Variants in ASS1 observed in about 807,000 individuals in gnomAD.
The protein encoded by ASS1 is argininosuccinate synthase.
Under a neutral mutation model 60.5 loss-of-function variants are expected in ASS1, and 58 were observed. The observed-to-expected ratio is 0.96, with a 90% CI of 0.78 to 1.19. The LOEUF is 1.19. Ranked by LOEUF, ASS1 falls within the 50% of genes most tolerant of loss-of-function variation. The probability of loss-of-function intolerance (pLI) is 0.00; values close to 1 mark genes in which losing one functional copy is unlikely to be tolerated. For synonymous variants in ASS1, 200 were observed against 206.9 expected, an observed-to-expected ratio of 0.97 and a Z score of 0.29; for missense variants, 454 against 547.3, an observed-to-expected ratio of 0.83 and a Z score of 1.70.
chr9:130,445,378 C>T (rs556630513), intron 1 of ASS1, among the ~76,000 whole-genome samples: 2 of 152,130 alleles, frequency 1.3e-5, no homozygotes, highest in Admixed American at 6.5e-5. Flanking sequence ...GAGTCCGGAG[C>T]GTGTGGGGGG....
chr9:130,495,072 T>C (rs1316457957), intron 13 of ASS1, 49 bp downstream of exon 13: 1 of 1,562,098 alleles, frequency 6.4e-7, no homozygotes, highest in East Asian at 2.4e-5. Flanking sequence ...ACAGAGCCTA[T>C]CTTTTGACTG....
At chr9:130,495,400 T>C (rs923594629) in intron 13 of ASS1, among the ~76,000 whole-genome samples, 7 of 150,204 alleles carry the variant, frequency 4.7e-5, no homozygotes, top group Non-Finnish European at 7.4e-5. Context: ...CTAGGCAACA[T>C]AGAAAGACCT....
chr9:130,449,893 C>T (rs996810815), intron 1 of ASS1, among the ~76,000 whole-genome samples: 3 of 152,164 alleles, frequency 2.0e-5, no homozygotes, highest in Non-Finnish European at 4.4e-5. Context: ...TGGGTATTCT[C>T]GTGTGTGTGT....
At chr9:130,455,109 C>A (rs1392459657) in intron 3 of ASS1, among the ~76,000 whole-genome samples, 1 of 151,598 alleles carries the variant, frequency 6.6e-6, no homozygotes, top group Non-Finnish European at 1.5e-5. Context: ...ATCCGTCTAT[C>A]CATCCATCAT....
upstream of ASS1, among the ~76,000 whole-genome samples, chr9:130,444,715 G>GT (rs886063525): frequency 4.3e-4 from 66 of 151,878 alleles, 2 homozygotes; most frequent in Non-Finnish European, 1.5e-4. The surrounding 1 kb of genome is among the most constrained non-coding windows in gnomAD (Gnocchi z 4.7). Flanking sequence ...CCGCCGGCGC[G>GT]CCCCTGGGAG....
At chr9:130,492,132 C>A (rs539223511) in intron 12 of ASS1, among the ~76,000 whole-genome samples, 2 of 152,184 alleles carry the variant, frequency 1.3e-5, no homozygotes, top group Non-Finnish European at 2.9e-5. Context: ...TATTCCAGTG[C>A]GTGAAATAAC....
chr9:130,486,927 GC>G (rs1409140138), intron 11 of ASS1, among the ~76,000 whole-genome samples: 2 of 152,242 alleles, frequency 1.3e-5, no homozygotes, highest in African/African-American at 2.4e-5. Flanking sequence ...GCTCTGGTTA[GC>G]AGTTGATCAC....
In ASS1 at chr9:130,464,181, C is replaced by T; in HGVS notation, c.420+14C>T. 6.2e-7 allele frequency: 1 copy of T among 1,613,924 alleles called. No individual in the cohort carries two copies. The highest frequency in any genetic ancestry group is 8.5e-7 in the Non-Finnish European group (1 of 1,179,776). On this transcript the variant is annotated intron_variant, in intron 5 of 14. Coordinates refer to ENST00000352480, the MANE Select transcript of ASS1 (RefSeq NM_054012.4). ...CCCCAGATAAAGGTAGGATGTGGCT[C>T]CTCCCCTTAGCAGGGAGCACTAGCA... is the stretch of plus-strand genomic sequence containing the variant.
rs1846356078 is a variant in ASS1 at position 130,488,287 on chromosome 9, A to G, written c.839-1046A>G. Reference sequence around the variant, plus strand: ...TGAGAACCTGCCCTTTTAGTGATGTAACGTATGGTGGAAGAAAGGAAGCTC... The same window carrying G: ...TGAGAACCTGCCCTTTTAGTGATGTGACGTATGGTGGAAGAAAGGAAGCTC... On this transcript the variant is annotated intron_variant, in intron 11 of 14. Coordinates refer to ENST00000352480, the MANE Select transcript of ASS1 (RefSeq NM_054012.4). The surrounding 1 kb of genome is among the most constrained non-coding windows in gnomAD (Gnocchi z 5.2). 6.6e-6 allele frequency among the ~76,000 whole-genome samples: 1 copy of G among 151,718 alleles called. No individual in the cohort carries two copies. Among genetic ancestry groups the G allele is most frequent in the Non-Finnish European group, 1.5e-5 (1 of 67,922 alleles).
intron 1 of ASS1, chr9:130,445,244 G>A (rs1306142517): frequency 8.0e-5 from 7 of 87,840 alleles, no homozygotes; most frequent in South Asian, 3.3e-4. Context: ...GTCCCCGGGG[G>A]CGCGAGTCCC....
intron 2 of ASS1, among the ~76,000 whole-genome samples, chr9:130,453,501 C>T (rs192573960): frequency 4.6e-5 from 7 of 152,352 alleles, no homozygotes; most frequent in Admixed American, 4.6e-4. Flanking sequence ...GGTGAGAGCA[C>T]AGCTTTGAGG....
At chr9:130,445,251 TCCCCGGG>T in intron 1 of ASS1, 1 of 176,630 alleles carries the variant, frequency 5.7e-6, no homozygotes, top group Non-Finnish European at 7.6e-6. Flanking sequence ...GGGGCGCGAG[TCCCCGGG>T]TCCGAAGAGC....
chr9:130,455,137 A>G (rs1336671836), intron 3 of ASS1, among the ~76,000 whole-genome samples: 3 of 148,818 alleles, frequency 2.0e-5, no homozygotes, highest in Non-Finnish European at 4.4e-5. Context: ...TTCATCCATC[A>G]TCCATCCATC....
chr9:130,490,278 G>A (rs1173039208), intron 12 of ASS1, among the ~76,000 whole-genome samples: 1 of 152,208 alleles, frequency 6.6e-6, no homozygotes, highest in Admixed American at 6.5e-5. Context: ...CAGCTCATGA[G>A]CTAAGAATAG....
At chr9:130,463,888 G>A (rs1845663318) in intron 4 of ASS1, among the ~76,000 whole-genome samples, 4 of 151,910 alleles carry the variant, frequency 2.6e-5, no homozygotes, top group South Asian at 4.2e-4. Flanking sequence ...ACCCACCCAC[G>A]TGACATGTGT....
intron 11 of ASS1, among the ~76,000 whole-genome samples, chr9:130,484,863 A>G (rs915471529): frequency 6.6e-6 from 1 of 152,082 alleles, no homozygotes; most frequent in East Asian, 1.9e-4. Context: ...CAACCTAAAA[A>G]CAAGTTTTTT....
In ASS1 at chr9:130,488,557, C is replaced by T. The variant is rs149345325; in HGVS notation, c.839-776C>T. Among the ~76,000 whole-genome samples, 5 of 152,312 alleles carry T rather than the reference C, an allele frequency of 3.3e-5. No homozygotes were observed. Among genetic ancestry groups the T allele is most frequent in the East Asian group, 1.9e-4 (1 of 5,178 alleles). ...CAAGACCAGGCATTTCTGTCTCACT[C>T]GGAGATCATCTGTTCCAAGCAGGTT... On this transcript the variant is annotated intron_variant, in intron 11 of 14. Transcript: ENST00000352480. This position sits in a 1 kb window ranked among gnomAD's most constrained non-coding sequence, Gnocchi z 5.2.
chr9:130,448,206 G>C (rs528696179), intron 1 of ASS1, among the ~76,000 whole-genome samples: 5 of 152,038 alleles, frequency 3.3e-5, no homozygotes, highest in Admixed American at 6.5e-5. Flanking sequence ...CCCGCTGCTG[G>C]GAGGGCAGGA....
At chr9:130,445,881 C>T (rs916914601) in intron 1 of ASS1, among the ~76,000 whole-genome samples, 2 of 152,172 alleles carry the variant, frequency 1.3e-5, no homozygotes, top group African/African-American at 4.8e-5. Context: ...CTGTTCTCTC[C>T]CCAGGGGTAG....
Sources: allele counts gnomAD v4.1 joint callset (sites outside exome capture counted in the v4.1 genomes callset), GRCh38; gene constraint gnomAD v4.1.1; non-coding constraint Gnocchi (gnomAD v3.1); transcripts MANE v1.5; gene names NCBI Gene and HGNC (gene_info 2026-07-23, HGNC 2026-07-21).